Variants in ADAMTS2 observed in about 807,000 individuals in gnomAD.
ADAMTS2 encodes the protein A disintegrin and metalloproteinase with thrombospondin motifs 2.
A neutral mutation model predicts 123.0 loss-of-function variants in ADAMTS2; 50 were observed. The observed-to-expected ratio is 0.41, with a 90% CI of 0.32 to 0.51. The LOEUF is 0.51. Ranked by LOEUF, ADAMTS2 falls within the 20% of genes least tolerant of loss-of-function variation. The pLI is 0.35. For synonymous variants in ADAMTS2, 678 were observed against 695.4 expected, an observed-to-expected ratio of 0.98 and a Z score of 0.39; for missense variants, 1,494 against 1,705.2, an observed-to-expected ratio of 0.88 and a Z score of 2.18.
In ADAMTS2 at chr5:179,342,001, C is replaced by A. The variant is rs150692329; in HGVS notation, c.534+1766G>T. ...TCCAGCCCCCATTCAAACAGCCCCC[C>A]AGGAGCACACTCTCCAAGTCCTGGC... On this transcript the variant is annotated intron_variant, in intron 2 of 21. Transcript: ENST00000251582. 9.2e-5 allele frequency among the ~76,000 whole-genome samples: 14 copies of A among 152,306 alleles called. No homozygotes were observed. In the East Asian group the frequency reaches 2.7e-3, roughly 29 times the overall value.
intron 6 of ADAMTS2, among the ~76,000 whole-genome samples, chr5:179,156,334 C>T (rs1458658989): frequency 1.3e-5 from 2 of 151,456 alleles, no homozygotes; most frequent in Admixed American, 6.6e-5. Flanking sequence ...TGGGAGATGG[C>T]CTTGACTTTT....
Position 179,189,803 on chromosome 5 carries a change from A to C in ADAMTS2, c.892-8648T>G, listed in dbSNP as rs1764263020. 7.2e-6 allele frequency among the ~76,000 whole-genome samples: 1 copy of C among 138,844 alleles called. No individual in the cohort carries two copies. Among genetic ancestry groups the C allele is most frequent in the South Asian group, 2.3e-4 (1 of 4,304 alleles). The allele number at this position is 138,844 out of a possible 152,430, so 91.1% of individuals were successfully genotyped here. A position where few individuals can be genotyped will look rare whatever the true frequency, so the allele number is the denominator to read the frequency against. Reference sequence around the variant, plus strand: ...ATGGGGGTGGGGAAGAATATTACTAAGTATCTTCTTAAGTTGGGGGGAGAG... The same window carrying C: ...ATGGGGGTGGGGAAGAATATTACTACGTATCTTCTTAAGTTGGGGGGAGAG... On this transcript the variant is annotated intron_variant, in intron 4 of 21. Transcript: ENST00000251582. This position sits in a 1 kb window ranked among gnomAD's most constrained non-coding sequence, Gnocchi z 4.2.
chr5:179,124,677 G>C (rs892235469), intron 19 of ADAMTS2, among the ~76,000 whole-genome samples: 6 of 152,242 alleles, frequency 3.9e-5, no homozygotes, highest in Admixed American at 2.0e-4. Flanking sequence ...CCAGGCCCAC[G>C]GGCCGAAAGG....
At position 179,154,842 on chromosome 5, in the gene ADAMTS2, A is replaced by G. The variant is rs2113254470; in HGVS notation, c.1210T>C (p.Phe404Leu). ...TGGCCAGTCTCATGGGCCACCACAA[A>G]CGCTGAGGAGAAGCCGTCCTCATGG... Reference protein sequence around the residue: ...LNHEDGFSSAFVVAHETGHVL... With the variant: ...LNHEDGFSSALVVAHETGHVL... Residue 404 changes from phenylalanine to leucine, a missense_variant, in exon 7 of 22, where the codon TTT becomes CTT. By Grantham distance (22) the Phe-to-Leu change is conservative. Transcript: ENST00000251582. 6.2e-7 allele frequency: 1 copy of G among 1,613,078 alleles called. No individual in the cohort carries two copies. The highest frequency in any genetic ancestry group is 8.5e-7 in the Non-Finnish European group (1 of 1,179,722).
intron 2 of ADAMTS2, among the ~76,000 whole-genome samples, chr5:179,322,817 CA>C (rs1322039825): frequency 6.6e-6 from 1 of 152,230 alleles, no homozygotes; most frequent in African/African-American, 2.4e-5. Context: ...CTGACGGTAC[CA>C]GGGGGAGTTA....
intron 2 of ADAMTS2, among the ~76,000 whole-genome samples, chr5:179,343,212 A>C (rs955035880): frequency 1.3e-5 from 2 of 152,212 alleles, no homozygotes; most frequent in African/African-American, 4.8e-5. Context: ...GCACGCAAGG[A>C]AACAGGAAGA....
intron 2 of ADAMTS2, among the ~76,000 whole-genome samples, chr5:179,281,365 C>G (rs1192443307): frequency 6.6e-6 from 1 of 152,214 alleles, no homozygotes; most frequent in Non-Finnish European, 1.5e-5. Context: ...CCAACCCAGC[C>G]CTGGGCAACC....
chr5:179,252,198 T>TG (rs1765943126), intron 3 of ADAMTS2, among the ~76,000 whole-genome samples: 1 of 151,936 alleles, frequency 6.6e-6, no homozygotes, highest in Admixed American at 6.6e-5. Context: ...TTGGTAGAGA[T>TG]GGGGTTTCAC....
At chr5:179,327,871 A>T (rs894366117) in intron 2 of ADAMTS2, among the ~76,000 whole-genome samples, 2 of 152,236 alleles carry the variant, frequency 1.3e-5, no homozygotes, top group African/African-American at 4.8e-5. Context: ...GCAGAAAGTA[A>T]CTGCACACGT....
chr5:179,207,429 C>T, intron 4 of ADAMTS2, 84 bp downstream of exon 4: 1 of 1,441,374 alleles, frequency 6.9e-7, no homozygotes. Context: ...CTCAGGGGAC[C>T]TGGCCCAGCT....
chr5:179,169,919 C>T (rs1472676209), intron 5 of ADAMTS2, among the ~76,000 whole-genome samples: 3 of 152,174 alleles, frequency 2.0e-5, no homozygotes, highest in African/African-American at 7.2e-5. Flanking sequence ...TGATGCTCCC[C>T]AAGTCTCTGA....
At chr5:179,221,129 C>T (rs1765114932) in intron 3 of ADAMTS2, among the ~76,000 whole-genome samples, 1 of 152,138 alleles carries the variant, frequency 6.6e-6, no homozygotes, top group Non-Finnish European at 1.5e-5. Context: ...TGCCACCAAG[C>T]TGCCTTCCTA....
chr5:179,125,032 G>C lies in ADAMTS2; in HGVS notation c.2899C>G (p.Arg967Gly). The change falls in exon 19 of 22, where the codon CGC (arginine) becomes GGC (glycine). Residue 967 changes from arginine to glycine, a missense_variant. By Grantham distance (125) the Arg-to-Gly change is moderately radical (BLOSUM62 -2). Transcript: ENST00000251582. ...CAGAGCTCGCGGCTGCAGGCCCGGC[G>C]GCTCTCGGGCCGGGCGTCATTGCAG... ...KHCNDARPES[R>G]RACSRELCPG... 5.0e-6 allele frequency: 8 copies of C among 1,608,080 alleles called. No homozygotes were observed. The highest frequency in any genetic ancestry group is 6.8e-6 in the Non-Finnish European group (8 of 1,178,712).
intron 10 of ADAMTS2, among the ~76,000 whole-genome samples, chr5:179,143,351 T>C (rs1763202094): frequency 6.6e-6 from 1 of 151,360 alleles, no homozygotes; most frequent in Non-Finnish European, 1.5e-5. Flanking sequence ...GAGAATCTCT[T>C]GAACCCGGGA....
Position 179,137,908 on chromosome 5 carries a change from G to T in ADAMTS2, c.1812C>A (p.Ala604=). The T allele has an allele frequency of 1.9e-6, 3 of 1,552,420 alleles. No homozygotes were observed. The highest frequency in any genetic ancestry group is 2.6e-6 in the Non-Finnish European group (3 of 1,149,634). Residue 604 remains alanine, a synonymous_variant, in exon 12 of 22, where the codon GCC becomes GCA. Coordinates refer to ENST00000251582, the MANE Select transcript of ADAMTS2 (RefSeq NM_014244.5). ...GGCGGCTGCAGAGCTGGAAGTCGTA[G>T]GCAAGGCCCGAGCAGGTGCGGCCCC... ...ANGGRTCSGL[A]YDFQLCSRQD...
chr5:179,235,768 G>A (rs1289014451), intron 3 of ADAMTS2, among the ~76,000 whole-genome samples: 2 of 152,206 alleles, frequency 1.3e-5, no homozygotes, highest in African/African-American at 4.8e-5. Context: ...CTGTTGCTGG[G>A]CCCCCATGAA....
At chr5:179,173,772 T>G (rs1763874325) in intron 5 of ADAMTS2, among the ~76,000 whole-genome samples, 1 of 152,094 alleles carries the variant, frequency 6.6e-6, no homozygotes. Context: ...CCCCAGCACT[T>G]TGGGAGGCCG....
In ADAMTS2 at chr5:179,317,982, G is replaced by A. The variant is rs561016262; in HGVS notation, c.534+25785C>T. ...CGGGACATGAGGAACGGGCAGTGAT[G>A]AATCTGAAGCCCTGCTGGTCAGCAG... is the stretch of plus-strand genomic sequence containing the variant. On this transcript the variant is annotated intron_variant, in intron 2 of 21. Transcript: ENST00000251582. This position sits in a 1 kb window ranked among gnomAD's most constrained non-coding sequence, Gnocchi z 4.9. 6.6e-6 allele frequency among the ~76,000 whole-genome samples: 1 copy of A among 152,314 alleles called. No individual in the cohort carries two copies. Among genetic ancestry groups the A allele is most frequent in the East Asian group, 1.9e-4 (1 of 5,172 alleles).
At chr5:179,176,723 C>T (rs1237429685) in intron 5 of ADAMTS2, among the ~76,000 whole-genome samples, 1 of 152,228 alleles carries the variant, frequency 6.6e-6, no homozygotes, top group African/African-American at 2.4e-5. Flanking sequence ...TAGAAATGCA[C>T]ATGGGATCGT....
Sources: gnomAD v4.1 joint callset for allele counts (sites outside exome capture counted in the v4.1 genomes callset) on GRCh38, gnomAD v4.1.1 for gene constraint, Gnocchi (gnomAD v3.1) non-coding constraint, MANE v1.5 for transcripts, NCBI Gene and HGNC (gene_info 2026-07-23, HGNC 2026-07-21) for gene names.